Variants in DSCAM observed in about 807,000 individuals in gnomAD.
DSCAM encodes the protein cell adhesion molecule DSCAM.
DSCAM carries 47 observed loss-of-function variants against 217.7 expected under a neutral mutation model. The ratio of observed to expected loss-of-function variants is 0.22; its 90% CI spans 0.17 to 0.28. The LOEUF (loss-of-function observed/expected upper bound fraction) is 0.28. DSCAM is among the 10% of genes least tolerant of loss of function. DSCAM has a pLI of 1.00. For synonymous variants in DSCAM, 1,056 were observed against 1,015.3 expected (o/e 1.04, Z -0.76); for missense variants, 2,080 against 2,618.3 (o/e 0.79, Z 4.49).
At chr21:40,617,032 AAG>A in intron 3 of DSCAM, among the ~76,000 whole-genome samples, 1 of 150,850 alleles carries the variant, frequency 6.6e-6, no homozygotes, top group South Asian at 2.1e-4. Context: ...AAAAAAAAAA[AAG>A]AATGGTTATG....
intron 3 of DSCAM, among the ~76,000 whole-genome samples, chr21:40,459,818 CA>C (rs56213421): frequency 0.19 from 29,100 of 150,194 alleles, 3,291 homozygotes; most frequent in African/African-American, 0.3. Context: ...GCCCCCCACC[CA>C]AAAAAAAAGA....
chr21:40,140,568 A>C (rs1262658446), intron 18 of DSCAM, among the ~76,000 whole-genome samples: 1 of 152,200 alleles, frequency 6.6e-6, no homozygotes, highest in African/African-American at 2.4e-5. Context: ...AAGAACATTA[A>C]GGGTATTTAA....
chr21:40,525,079 C>T (rs2076390401), intron 3 of DSCAM, among the ~76,000 whole-genome samples: 1 of 150,244 alleles, frequency 6.7e-6, no homozygotes, highest in South Asian at 2.1e-4. Flanking sequence ...TTTCAATTCC[C>T]ATGACATTTA....
rs550900429 is a variant in DSCAM at position 40,606,833 on chromosome 21, T to C, written c.508+85977A>G. 8.6e-4 allele frequency among the ~76,000 whole-genome samples: 131 copies of C among 152,334 alleles called. 1 individual carries two copies. The South Asian group carries it at 0.011, about 13-fold the overall frequency. On this transcript the variant is annotated intron_variant, in intron 3 of 32. Coordinates refer to ENST00000400454, the MANE Select transcript of DSCAM (RefSeq NM_001389.5). ...TTGGGAGAGACCTGCTGGGAGGTAA[T>C]TGAATCATGGGGGCAGGTCTTTCCT...
intron 11 of DSCAM, among the ~76,000 whole-genome samples, chr21:40,213,747 G>C (rs530374540): frequency 3.9e-5 from 6 of 152,224 alleles, no homozygotes; most frequent in Admixed American, 3.9e-4. Flanking sequence ...GTGGAGTCAA[G>C]GAGGAATCCT....
rs540221508 is a variant in DSCAM at position 40,843,799 on chromosome 21, T to C, written c.43+2820A>G. On this transcript the variant is annotated intron_variant, in intron 1 of 32. Transcript: ENST00000400454. ...TGGTCACTGACTTCTTCTTTTTTTT[T>C]TTTTTTTTTTCAAAAATACTGCCTG... 4.6e-5 allele frequency among the ~76,000 whole-genome samples: 7 copies of C among 151,632 alleles called. No individual in the cohort carries two copies. In the East Asian group the frequency reaches 1.4e-3, roughly 29 times the overall value.
At chr21:40,261,637 TTC>T (rs202011786) in intron 11 of DSCAM, among the ~76,000 whole-genome samples, 4,490 of 128,176 alleles carry the variant, frequency 0.035, 245 homozygotes, top group East Asian at 0.22. Flanking sequence ...AATAAACTTA[TTC>T]TCTCTCTCTC....
intron 1 of DSCAM, among the ~76,000 whole-genome samples, chr21:40,747,831 TACCAAAC>T (rs2146555170): frequency 6.6e-6 from 1 of 152,004 alleles, no homozygotes; most frequent in Non-Finnish European, 1.5e-5. Context: ...AAGAAAATAG[TACCAAAC>T]TGAATTCAAT....
chr21:40,648,750 C>G (rs1055415040), intron 3 of DSCAM, among the ~76,000 whole-genome samples: 1 of 152,212 alleles, frequency 6.6e-6, no homozygotes, highest in African/African-American at 2.4e-5. Flanking sequence ...GACCTAGCCA[C>G]ACTGGGAGAT....
At chr21:40,385,748 T>A (rs915183045) in intron 3 of DSCAM, among the ~76,000 whole-genome samples, 1 of 152,196 alleles carries the variant, frequency 6.6e-6, no homozygotes, top group Non-Finnish European at 1.5e-5. Context: ...CGTCCCCCTC[T>A]GACAGCTCTT....
intron 11 of DSCAM, among the ~76,000 whole-genome samples, chr21:40,253,389 G>C (rs1328968800): frequency 6.6e-6 from 1 of 152,172 alleles, no homozygotes; most frequent in Non-Finnish European, 1.5e-5. Context: ...TTCCGGGACA[G>C]AGCTTCAAAA....
At chr21:40,141,799 C>T (rs2090293972) in intron 18 of DSCAM, among the ~76,000 whole-genome samples, 1 of 152,066 alleles carries the variant, frequency 6.6e-6, no homozygotes, top group Admixed American at 6.5e-5. Context: ...CGCTCTGCCC[C>T]AGCACACTCA....
intron 1 of DSCAM, among the ~76,000 whole-genome samples, chr21:40,720,183 T>C (rs2090886632): frequency 6.6e-6 from 1 of 152,208 alleles, no homozygotes; most frequent in African/African-American, 2.4e-5. Flanking sequence ...GTTAGCTTTA[T>C]TGATTTCATA....
intron 4 of DSCAM, among the ~76,000 whole-genome samples, chr21:40,358,702 A>G (rs138998594): frequency 6.6e-6 from 1 of 151,596 alleles, no homozygotes; most frequent in African/African-American, 2.4e-5. Context: ...AGCTACAGGC[A>G]GAGGCAGGAT....
At chr21:40,383,407 T>A (rs1436584211) in intron 3 of DSCAM, 2 of 152,178 alleles carry the variant, frequency 1.3e-5, no homozygotes, top group Admixed American at 1.3e-4. Flanking sequence ...AACCCACTGA[T>A]GGTATGCAGC....
intron 11 of DSCAM, among the ~76,000 whole-genome samples, chr21:40,250,144 G>C (rs2073282130): frequency 6.6e-6 from 1 of 152,272 alleles, no homozygotes; most frequent in South Asian, 2.1e-4. Context: ...GCAATTGCAG[G>C]GTTCAGGCCA....
chr21:40,340,661 T>C (rs1048501755), intron 6 of DSCAM, among the ~76,000 whole-genome samples: 6 of 152,224 alleles, frequency 3.9e-5, no homozygotes, highest in African/African-American at 1.4e-4. Context: ...ATTAAAGGGT[T>C]GTCCCATAAT....
chr21:40,626,143 A>T (rs2089597901), intron 3 of DSCAM, among the ~76,000 whole-genome samples: 1 of 152,146 alleles, frequency 6.6e-6, no homozygotes, highest in Admixed American at 6.5e-5. Flanking sequence ...CAGAGTTGGG[A>T]AATGCCAAAT....
chr21:40,687,745 G>A (rs776032559), intron 3 of DSCAM, among the ~76,000 whole-genome samples: 4 of 152,132 alleles, frequency 2.6e-5, no homozygotes, highest in African/African-American at 7.2e-5. Flanking sequence ...AGGCAAAACC[G>A]TGTGTGTAGC....
Sources: allele counts gnomAD v4.1 joint callset (sites outside exome capture counted in the v4.1 genomes callset), GRCh38; gene constraint gnomAD v4.1.1; transcripts MANE v1.5; gene names NCBI Gene and HGNC (gene_info 2026-07-23, HGNC 2026-07-21).